The following TGFBR3 variants were observed in gnomAD, a reference collection of about 807,000 sequenced individuals.
TGFBR3 encodes transforming growth factor beta receptor type 3.
TGFBR3 carries 46 observed loss-of-function variants against 87.9 expected under a neutral mutation model. The ratio of observed to expected loss-of-function variants is 0.52; its 90% CI spans 0.41 to 0.67. TGFBR3 has a LOEUF of 0.67. Ranked by LOEUF, TGFBR3 falls within the 30% of genes least tolerant of loss-of-function variation. TGFBR3 has a pLI of 0.00. For missense variants in TGFBR3, 866 were observed against 1,041.9 expected, an observed-to-expected ratio of 0.83 and a Z score of 2.32; for synonymous variants, 381 against 391.6, an observed-to-expected ratio of 0.97 and a Z score of 0.32.
chr1:91,893,257 T>A (rs959688790), intron 2 of TGFBR3, among the ~76,000 whole-genome samples: 6 of 152,190 alleles, frequency 3.9e-5, no homozygotes, highest in South Asian at 2.1e-4. Context: ...TAACATGTTG[T>A]CTAAGGAGAA....
chr1:91,710,641 AGTG>A (rs1671948181), intron 13 of TGFBR3, among the ~76,000 whole-genome samples: 1 of 152,222 alleles, frequency 6.6e-6, no homozygotes, highest in East Asian at 1.9e-4. Flanking sequence ...ACAGAAAGAC[AGTG>A]GTAACAGCTC....
intron 1 of TGFBR3, among the ~76,000 whole-genome samples, chr1:91,871,373 C>T (rs1351238135): frequency 1.3e-5 from 2 of 152,210 alleles, no homozygotes; most frequent in Non-Finnish European, 1.5e-5. Flanking sequence ...ATTCACTCAA[C>T]AAACATTTAT....
chr1:91,766,706 T>C (rs1404804810), intron 3 of TGFBR3, among the ~76,000 whole-genome samples: 2 of 133,286 alleles, frequency 1.5e-5, no homozygotes, highest in African/African-American at 2.8e-5. Flanking sequence ...CCAAGTCACA[T>C]AGCACTAGAT....
At chr1:91,819,067 C>T (rs1676349911) in intron 2 of TGFBR3, among the ~76,000 whole-genome samples, 1 of 152,116 alleles carries the variant, frequency 6.6e-6, no homozygotes, top group Non-Finnish European at 1.5e-5. Flanking sequence ...AGCTCAGAAA[C>T]AATCCTTAAA....
chr1:91,779,536 A>G (rs570591310), intron 3 of TGFBR3, among the ~76,000 whole-genome samples: 32 of 152,326 alleles, frequency 2.1e-4, no homozygotes, highest in African/African-American at 7.7e-4. Flanking sequence ...GTCAGACCGA[A>G]GGTGGTGGTC....
chr1:91,802,391 C>T (rs990491490), intron 2 of TGFBR3, among the ~76,000 whole-genome samples: 31 of 151,068 alleles, frequency 2.1e-4, no homozygotes, highest in African/African-American at 6.6e-4. Context: ...GAGACAGTCT[C>T]GCTCTGTCGT....
At position 91,708,649 on chromosome 1, in the gene TGFBR3, C is replaced by T; in HGVS notation, c.2287+14G>A. The T allele has an allele frequency of 6.2e-7, 1 of 1,614,000 alleles. No individual in the cohort carries two copies. The highest frequency in any genetic ancestry group is 2.2e-5 in the East Asian group (1 of 44,882). ...CTCAGGCCCCATGCTCTGATCGTGC[C>T]TCCCAAAGCACACCTTTAGATTCTG... On this transcript the variant is annotated intron_variant, in intron 14 of 16. Coordinates refer to ENST00000212355, the MANE Select transcript of TGFBR3 (RefSeq NM_003243.5).
intron 7 of TGFBR3, 49 bp downstream of exon 7, chr1:91,727,610 T>C (rs755665558): frequency 6.2e-7 from 1 of 1,608,686 alleles, no homozygotes; most frequent in South Asian, 1.1e-5. Context: ...ACAGCTTAAA[T>C]TGTTGTCATT....
intron 2 of TGFBR3, among the ~76,000 whole-genome samples, chr1:91,825,849 T>C (rs997113982): frequency 2.0e-5 from 3 of 151,988 alleles, no homozygotes; most frequent in Non-Finnish European, 4.4e-5. Context: ...GGCGTGGTGG[T>C]GGGTGCCTGC....
intron 2 of TGFBR3, among the ~76,000 whole-genome samples, chr1:91,824,751 C>T (rs775866822): frequency 2.6e-5 from 4 of 152,046 alleles, no homozygotes; most frequent in Non-Finnish European, 2.9e-5. Flanking sequence ...CACGAGGTCA[C>T]GAGTTCGAGA....
chr1:91,873,641 G>A (rs1678675069), intron 1 of TGFBR3, among the ~76,000 whole-genome samples: 1 of 151,996 alleles, frequency 6.6e-6, no homozygotes, highest in Non-Finnish European at 1.5e-5. Flanking sequence ...CCTATAACTG[G>A]GGCTATAAGA....
intron 2 of TGFBR3, among the ~76,000 whole-genome samples, chr1:91,803,088 C>T (rs753528931): frequency 5.9e-5 from 9 of 152,218 alleles, no homozygotes; most frequent in Non-Finnish European, 1.2e-4. Flanking sequence ...CTTATCACTC[C>T]ATCTCTGCTG....
In TGFBR3 at chr1:91,717,690, A is replaced by T. The variant is rs551150645; in HGVS notation, c.1567-982T>A. On this transcript the variant is annotated intron_variant, in intron 10 of 16. Transcript: ENST00000212355. Reference sequence around the variant, plus strand: ...AAGGGAGTAGGATGGGAAGAAAATTAAAAAAAAAAAACAAACTGCCTTTCT... The same window carrying T: ...AAGGGAGTAGGATGGGAAGAAAATTTAAAAAAAAAAACAAACTGCCTTTCT... Among the ~76,000 whole-genome samples the T allele has an allele frequency of 1.7e-3, 51 of 29,458 alleles. No homozygotes were observed. In the East Asian group the frequency reaches 0.022, roughly 13 times the overall value. 19.3% of individuals were successfully genotyped at this position (29,458 alleles called of 152,430 possible). A position where few individuals can be genotyped will look rare whatever the true frequency, so the allele number is the denominator to read the frequency against.
chr1:91,870,521 A>T (rs1263822875), intron 1 of TGFBR3, among the ~76,000 whole-genome samples: 1 of 152,230 alleles, frequency 6.6e-6, no homozygotes, highest in Admixed American at 6.5e-5. Flanking sequence ...TCAAGTGTCT[A>T]TACCTTATTC....
intron 2 of TGFBR3, among the ~76,000 whole-genome samples, chr1:91,800,322 A>ATGTGTG (rs1343623901): frequency 1.1e-5 from 1 of 87,410 alleles, no homozygotes; most frequent in Non-Finnish European, 2.6e-5. Flanking sequence ...ATGTATATAT[A>ATGTGTG]TGTGTATATG....
chr1:91,761,180 T>C (rs1029591185), intron 3 of TGFBR3, among the ~76,000 whole-genome samples: 2 of 152,196 alleles, frequency 1.3e-5, no homozygotes, highest in Admixed American at 1.3e-4. Flanking sequence ...TACTACAAAA[T>C]ACTAGTAAGT....
intron 3 of TGFBR3, among the ~76,000 whole-genome samples, chr1:91,778,429 C>T (rs1306472722): frequency 6.6e-6 from 1 of 152,032 alleles, no homozygotes; most frequent in Admixed American, 6.6e-5. Context: ...CAAAAAAGAT[C>T]ACAACAGAGG....
At chr1:91,741,856 C>T (rs1673171022) in intron 4 of TGFBR3, among the ~76,000 whole-genome samples, 1 of 152,162 alleles carries the variant, frequency 6.6e-6, no homozygotes, top group Non-Finnish European at 1.5e-5. Context: ...TATTCCTGTT[C>T]CTTCTACCCC....
At chr1:91,706,868 T>A (rs1316663366) in intron 14 of TGFBR3, among the ~76,000 whole-genome samples, 1 of 152,198 alleles carries the variant, frequency 6.6e-6, no homozygotes, top group Non-Finnish European at 1.5e-5. Context: ...ACAATTTATA[T>A]TCTTATTTCT....
Sources: gnomAD v4.1 joint callset for allele counts (sites outside exome capture counted in the v4.1 genomes callset) on GRCh38, gnomAD v4.1.1 for gene constraint, MANE v1.5 for transcripts, NCBI Gene and HGNC (gene_info 2026-07-23, HGNC 2026-07-21) for gene names.